TKT: variants seen among roughly 807,000 people sequenced by gnomAD.
TKT encodes epididymis luminal protein 107.
A neutral mutation model predicts 63.9 loss-of-function variants in TKT; 47 were observed. The ratio of observed to expected loss-of-function variants is 0.74; its 90% CI spans 0.58 to 0.94. The LOEUF (loss-of-function observed/expected upper bound fraction) is 0.94, where lower values mean the gene tolerates loss of function less well. TKT is among the 40% of genes least tolerant of loss of function. The probability of loss-of-function intolerance (pLI) is 0.00; values close to 1 mark genes in which losing one functional copy is unlikely to be tolerated. For missense variants in TKT, 721 were observed against 846.2 expected (o/e 0.85, Z 1.84); for synonymous variants, 338 against 334.1 (o/e 1.01, Z -0.13).
chr3:53,228,228 G>A (rs782496706), intron 11 of TKT, 48 bp downstream of exon 11: 2 of 1,612,974 alleles, frequency 1.2e-6, no homozygotes, highest in Non-Finnish European at 1.7e-6. Context: ...TCACAGCAGG[G>A]AGGGTCCAGG....
At chr3:53,233,608 T>A (rs1314198969) in intron 5 of TKT, 2 of 204,002 alleles carry the variant, frequency 9.8e-6, no homozygotes, top group South Asian at 2.5e-4. Context: ...GTCAGCGCAC[T>A]GGGTTTGGAA....
chr3:53,241,289 T>A, intron 2 of TKT, 44 bp from the exon 3 acceptor site: 1 of 1,546,240 alleles, frequency 6.5e-7, no homozygotes, highest in East Asian at 2.4e-5. Flanking sequence ...TGGGGAGCGG[T>A]TCTACTTCGG....
At chr3:53,252,640 G>A (rs1253267238) in intron 1 of TKT, among the ~76,000 whole-genome samples, 1 of 152,134 alleles carries the variant, frequency 6.6e-6, no homozygotes, top group Non-Finnish European at 1.5e-5. Flanking sequence ...GGTAACGGCG[G>A]TGAGGAAATC....
rs1208653408 is a variant in TKT, at chr3:53,256,010, G to C, written c.-68C>G. ...GATAGCGGCTGCTCCCGCGGCGACA[G>C]GCGGCTGCCGAGGCCGGGCGCGGGG... On this transcript the variant is annotated 5_prime_UTR_variant, in exon 1 of 14. Transcript: ENST00000462138. The C allele has an allele frequency of 8.6e-7, 1 of 1,162,814 alleles. No individual in the cohort carries two copies. Among genetic ancestry groups the C allele is most frequent in the South Asian group, 2.3e-5 (1 of 43,970 alleles). The allele number at this position is 1,162,814 out of a possible 1,614,324, so 72.0% of individuals were successfully genotyped here.
chr3:53,254,924 T>C (rs1218702323), intron 1 of TKT, among the ~76,000 whole-genome samples: 1 of 152,200 alleles, frequency 6.6e-6, no homozygotes, highest in Non-Finnish European at 1.5e-5. Context: ...TCTTGGGGCC[T>C]AGGCACGCCA....
Position 53,228,269 on chromosome 3 carries a change from C to A in TKT, c.1479+7G>T. 6.2e-7 allele frequency: 1 copy of A among 1,614,184 alleles called. No homozygotes were observed. Among genetic ancestry groups the A allele is most frequent in the Non-Finnish European group, 8.5e-7 (1 of 1,180,016 alleles). ...CTGTGGGCTCCTGGGGCATGCGAGG[C>A]ACTGACCTTGGCTTGTCCGACCTGG... On this transcript the variant is annotated splice_region_variant and intron_variant, in intron 11 of 13. Transcript: ENST00000462138.
intron 1 of TKT, chr3:53,243,520 C>A (rs1028064522): frequency 2.2e-6 from 1 of 454,738 alleles, no homozygotes; most frequent in Non-Finnish European, 4.4e-6. Flanking sequence ...GTAGAGAAAT[C>A]CAGAAAACTG....
intron 13 of TKT, 43 bp from the exon 14 acceptor site, chr3:53,225,974 T>G: frequency 1.9e-6 from 3 of 1,571,986 alleles, no homozygotes; most frequent in Non-Finnish European, 2.6e-6. Flanking sequence ...GGCCTCAGGG[T>G]GAGCAGTGGT....
chr3:53,244,047 C>A (rs191199778), intron 1 of TKT, among the ~76,000 whole-genome samples: 5 of 152,296 alleles, frequency 3.3e-5, no homozygotes, highest in African/African-American at 1.2e-4. Context: ...AGAAGCACAC[C>A]CAGGCCCAGA....
intron 2 of TKT, 84 bp from the exon 3 acceptor site, chr3:53,241,329 G>A (rs1316564063): frequency 1.2e-5 from 14 of 1,196,054 alleles, no homozygotes; most frequent in Non-Finnish European, 1.6e-5. Context: ...GACCCCTGGG[G>A]CCCGGCCGAG....
intron 8 of TKT, among the ~76,000 whole-genome samples, 173 bp from the exon 9 acceptor site, chr3:53,229,609 C>T (rs1485626654): frequency 5.9e-5 from 9 of 152,180 alleles, no homozygotes; most frequent in Non-Finnish European, 4.4e-5. Flanking sequence ...CTCCCAACCC[C>T]TCCCTGGGGT....
intron 7 of TKT, 135 bp from the exon 8 acceptor site, chr3:53,230,756 G>A: frequency 1.9e-6 from 2 of 1,049,350 alleles, no homozygotes; most frequent in Non-Finnish European, 2.7e-6. Flanking sequence ...TCCTGCAGAG[G>A]CTTTTAACTG....
intron 1 of TKT, among the ~76,000 whole-genome samples, chr3:53,244,591 G>A (rs1705426900): frequency 6.6e-6 from 1 of 152,194 alleles, no homozygotes; most frequent in Non-Finnish European, 1.5e-5. Flanking sequence ...TCTGCACACT[G>A]TAAAGCACTG....
At chr3:53,241,410 C>T (rs1182254875) in intron 2 of TKT, among the ~76,000 whole-genome samples, 165 bp from the exon 3 acceptor site, 2 of 152,270 alleles carry the variant, frequency 1.3e-5, no homozygotes, top group Non-Finnish European at 2.9e-5. Context: ...CAGCCCTCTT[C>T]AGCCTCTTGG....
intron 13 of TKT, 52 bp downstream of exon 13, chr3:53,226,698 AACGCTC>A: frequency 6.2e-7 from 1 of 1,612,094 alleles, no homozygotes; most frequent in Non-Finnish European, 8.5e-7. Context: ...AGGCACGTCC[AACGCTC>A]GGCTCTCTGG....
chr3:53,229,196 T>C, intron 9 of TKT, 59 bp from the exon 10 acceptor site: 1 of 1,613,158 alleles, frequency 6.2e-7, no homozygotes, highest in Admixed American at 1.7e-5. Flanking sequence ...ATCCATGGGC[T>C]GGAATCCTGG....
intron 7 of TKT, 30 bp downstream of exon 7, chr3:53,231,327 G>A: frequency 6.2e-7 from 1 of 1,608,864 alleles, no homozygotes; most frequent in Non-Finnish European, 8.5e-7. Context: ...TGAGAACTAT[G>A]GGTTCAGAGA....
intron 12 of TKT, 135 bp downstream of exon 12, chr3:53,227,918 CATT>C: frequency 1.3e-6 from 1 of 744,190 alleles, no homozygotes; most frequent in South Asian, 1.9e-5. Context: ...TAATTGCTAT[CATT>C]ATTTAATGAA....
intron 8 of TKT, 114 bp from the exon 9 acceptor site, chr3:53,229,550 C>T: frequency 8.2e-7 from 1 of 1,219,264 alleles, no homozygotes; most frequent in Non-Finnish European, 1.1e-6. Flanking sequence ...TCCATCCTTT[C>T]TGGGCTTCTG....
Sources: allele counts gnomAD v4.1 joint callset (sites outside exome capture counted in the v4.1 genomes callset), GRCh38; gene constraint gnomAD v4.1.1; transcripts MANE v1.5; gene names NCBI Gene and HGNC (gene_info 2026-07-23, HGNC 2026-07-21).